EDA: variants seen among roughly 807,000 people sequenced by gnomAD.
EDA encodes the protein ectodysplasin A.
In EDA, 2 loss-of-function variants were observed where a neutral mutation model predicts 23.6. The observed-to-expected ratio is 0.08, with a 90% CI of 0.03 to 0.27. The LOEUF (loss-of-function observed/expected upper bound fraction) is 0.27, where lower values mean the gene tolerates loss of function less well. Ranked by LOEUF, EDA falls within the 10% of genes least tolerant of loss-of-function variation. The probability of loss-of-function intolerance (pLI) is 1.00; values close to 1 mark genes in which losing one functional copy is unlikely to be tolerated. For synonymous variants in EDA, 131 were observed against 132.0 expected (o/e 0.99, Z 0.05); for missense variants, 229 against 324.2 (o/e 0.71, Z 2.26).
At chrX:69,957,920 T>C (rs1209837138) in intron 2 of EDA, among the ~76,000 whole-genome samples, 2 of 112,124 alleles carry the variant, frequency 1.8e-5, no homozygotes, top group Non-Finnish European at 3.8e-5. Flanking sequence ...TATAAGTTTC[T>C]TGTGGGCAGA....
intron 1 of EDA, among the ~76,000 whole-genome samples, chrX:69,738,450 A>C (rs2013342183): frequency 9.2e-6 from 1 of 108,508 alleles, no homozygotes; most frequent in Admixed American, 1.0e-4. Context: ...TCAAAGACTA[A>C]ACTTCTGGTT....
intron 1 of EDA, among the ~76,000 whole-genome samples, chrX:69,918,152 T>C (rs1768159519): frequency 3.7e-5 from 2 of 53,348 alleles, no homozygotes; most frequent in Non-Finnish European, 6.2e-5. Flanking sequence ...TCCCCTGCTT[T>C]TTTTTTTTTT....
rs763906632 is a variant in EDA, at chrX:69,971,670, T to G, written c.502+14538T>G. 5.4e-5 allele frequency among the ~76,000 whole-genome samples: 6 copies of G among 111,624 alleles called. No individual in the cohort carries two copies. The South Asian group carries it at 1.9e-3, about 36-fold the overall frequency. ...TCTATCCAGATAGCTCATCTTAGTT[T>G]ACATTCTTCCACGTGCATGCTTAAG... is the stretch of plus-strand genomic sequence containing the variant. On this transcript the variant is annotated intron_variant, in intron 2 of 7. Transcript: ENST00000374552.
chrX:69,668,178 T>C (rs1034744564), intron 1 of EDA, among the ~76,000 whole-genome samples: 4 of 112,452 alleles, frequency 3.6e-5, no homozygotes, highest in South Asian at 7.4e-4. Flanking sequence ...GTGTTGTGTT[T>C]TCATTATCGC....
chrX:69,937,578 A>G, intron 1 of EDA: 1 of 1,137,032 alleles, frequency 8.8e-7, no homozygotes, highest in East Asian at 3.0e-5. Context: ...CCCTTCACAG[A>G]GGACCACTCC....
rs980295092 is a variant in EDA, at chrX:69,789,512, C to G, written c.397-167515C>G. 2.7e-5 allele frequency among the ~76,000 whole-genome samples: 3 copies of G among 112,266 alleles called. No homozygotes were observed. The East Asian group carries it at 8.4e-4, about 32-fold the overall frequency. ...GGCTCTGCACCAGCTGTATCTATTT[C>G]ATCCGTATCCACGGTCACCATTCTG... On this transcript the variant is annotated intron_variant, in intron 1 of 7. Coordinates refer to ENST00000374552, the MANE Select transcript of EDA (RefSeq NM_001399.5).
At chrX:69,667,119 C>CTTTTTT (rs35090201) in intron 1 of EDA, among the ~76,000 whole-genome samples, 16 of 86,404 alleles carry the variant, frequency 1.9e-4, no homozygotes, top group Non-Finnish European at 3.2e-4. Context: ...TTTTCTTTTT[C>CTTTTTT]TTTTTTTTTT....
At chrX:69,696,773 A>G (rs1283014534) in intron 1 of EDA, among the ~76,000 whole-genome samples, 1 of 112,374 alleles carries the variant, frequency 8.9e-6, no homozygotes, top group African/African-American at 3.2e-5. Context: ...GCTTCTTCAT[A>G]GAGTAGTTTT....
At chrX:69,853,874 T>G (rs1271671719) in intron 1 of EDA, among the ~76,000 whole-genome samples, 2 of 112,377 alleles carry the variant, frequency 1.8e-5, no homozygotes, top group Non-Finnish European at 3.8e-5. Flanking sequence ...TGTTTTTGGT[T>G]TCTTTCACAA....
At chrX:69,942,909 C>T (rs1416858987) in intron 1 of EDA, among the ~76,000 whole-genome samples, 2 of 110,408 alleles carry the variant, frequency 1.8e-5, no homozygotes, top group South Asian at 3.9e-4. Context: ...TCTCCTCTGA[C>T]TGTGTATTTT....
chrX:69,850,886 CCA>C (rs1292849596), intron 1 of EDA, among the ~76,000 whole-genome samples: 2 of 111,468 alleles, frequency 1.8e-5, no homozygotes, highest in Non-Finnish European at 3.8e-5. Context: ...ATGCTCTTTT[CCA>C]GTTTATCATT....
intron 1 of EDA, among the ~76,000 whole-genome samples, chrX:69,870,004 G>A (rs1209475114): frequency 9.0e-6 from 1 of 111,593 alleles, no homozygotes; most frequent in Admixed American, 9.5e-5. Flanking sequence ...CAGCTGGGAT[G>A]AGTAAGTCTA....
At chrX:69,776,149 T>C (rs1188657322) in intron 1 of EDA, among the ~76,000 whole-genome samples, 1 of 112,277 alleles carries the variant, frequency 8.9e-6, no homozygotes, top group African/African-American at 3.2e-5. Flanking sequence ...CTTGTTATTC[T>C]ATAACTGATT....
At chrX:69,785,830 C>G (rs1421335930) in intron 1 of EDA, among the ~76,000 whole-genome samples, 26 of 107,374 alleles carry the variant, frequency 2.4e-4, no homozygotes, top group Non-Finnish European at 1.9e-5. Flanking sequence ...GGAGGATTCC[C>G]TCTTTTTCTA....
intron 1 of EDA, among the ~76,000 whole-genome samples, chrX:69,716,111 C>T (rs1364155941): frequency 2.7e-5 from 3 of 112,035 alleles, no homozygotes; most frequent in East Asian, 5.6e-4. Flanking sequence ...GTTGCAATCG[C>T]TTTTGGCATC....
chrX:69,735,668 C>T (rs747304069), intron 1 of EDA, among the ~76,000 whole-genome samples: 12 of 111,055 alleles, frequency 1.1e-4, no homozygotes, highest in Non-Finnish European at 2.3e-4. Context: ...CTAGCTCTCT[C>T]CTCTCCAGAA....
At chrX:69,922,352 C>T (rs1163522889) in intron 1 of EDA, among the ~76,000 whole-genome samples, 2 of 111,982 alleles carry the variant, frequency 1.8e-5, no homozygotes, top group Non-Finnish European at 3.8e-5. Context: ...TATGGTAAAA[C>T]TATGTTTAAC....
At chrX:69,978,569 A>G (rs1314668932) in intron 2 of EDA, among the ~76,000 whole-genome samples, 1 of 109,592 alleles carries the variant, frequency 9.1e-6, no homozygotes. Context: ...CACATATCAT[A>G]CACTTCACCC....
chrX:69,667,119 C>CTTT (rs35090201), intron 1 of EDA, among the ~76,000 whole-genome samples: 14 of 86,422 alleles, frequency 1.6e-4, no homozygotes, highest in East Asian at 3.8e-4. Flanking sequence ...TTTTCTTTTT[C>CTTT]TTTTTTTTTT....
Sources: allele counts gnomAD v4.1 joint callset (sites outside exome capture counted in the v4.1 genomes callset), GRCh38; gene constraint gnomAD v4.1.1; transcripts MANE v1.5; gene names NCBI Gene and HGNC (gene_info 2026-07-23, HGNC 2026-07-21).